LOXL4: variants seen among roughly 807,000 people sequenced by gnomAD.
LOXL4 encodes lysyl oxidase like 4.
A neutral mutation model predicts 89.1 loss-of-function variants in LOXL4; 72 were observed. The ratio of observed to expected loss-of-function variants is 0.81; its 90% CI spans 0.67 to 0.98. The LOEUF (loss-of-function observed/expected upper bound fraction) is 0.98, where lower values mean the gene tolerates loss of function less well. Among genes scored for constraint, LOXL4 ranks in the 50% least tolerant of loss-of-function variants. LOXL4 has a pLI of 0.00. For missense variants in LOXL4, 984 were observed against 1,017.5 expected (o/e 0.97, Z 0.45); for synonymous variants, 355 against 392.1 (o/e 0.91, Z 1.12).
At position 98,257,633 on chromosome 10, in the gene LOXL4, C is replaced by G; in HGVS notation, c.1260+17G>C. 6.2e-7 allele frequency: 1 copy of G among 1,610,030 alleles called. No individual in the cohort carries two copies. Among genetic ancestry groups the G allele is most frequent in the Non-Finnish European group, 8.5e-7 (1 of 1,178,206 alleles). ...TCCCGGCCCCCAGCCTGAGGCCATG[C>G]TCAGACCCAAACTCACCTGATTCTG... On this transcript the variant is annotated intron_variant, in intron 8 of 14. Transcript: ENST00000260702.
chr10:98,256,972 G>T (rs374615114), intron 8 of LOXL4, 25 bp from the exon 9 acceptor site: 2 of 1,609,158 alleles, frequency 1.2e-6, no homozygotes, highest in African/African-American at 1.3e-5. Flanking sequence ...GGTGTGTGAG[G>T]AGTGGGGTAG....
At chr10:98,253,408 A>T in intron 11 of LOXL4, 145 bp downstream of exon 11, 1 of 1,143,178 alleles carries the variant, frequency 8.7e-7, no homozygotes, top group Non-Finnish European at 1.3e-6. Flanking sequence ...CGCTGTCCTC[A>T]CTGCCTCCTG....
Position 98,265,625 on chromosome 10 carries a change from T to C in LOXL4, c.-33+2507A>G, listed in dbSNP as rs1342750039. ...TTCACCACATCAGTTCTTGAACTCC[T>C]GACCTCAGGTGATCCACCCGCCTTG... On this transcript the variant is annotated intron_variant, in intron 1 of 14. Transcript: ENST00000260702. 3.6e-5 allele frequency among the ~76,000 whole-genome samples: 5 copies of C among 140,714 alleles called. 1 individual carries two copies. Among genetic ancestry groups the C allele is most frequent in the African/African-American group, 1.3e-4 (5 of 38,174 alleles). The allele number at this position is 140,714 out of a possible 152,430, so 92.3% of individuals were successfully genotyped here.
Position 98,258,141 on chromosome 10 carries a change from G to A in LOXL4, c.945C>T (p.Ser315=), listed in dbSNP as rs146874745. 1.6e-5 allele frequency: 26 copies of A among 1,612,448 alleles called. No homozygotes were observed. Among genetic ancestry groups the A allele is most frequent in the East Asian group, 8.9e-5 (4 of 44,874 alleles). The change falls in exon 7 of 15, where the codon TCC becomes TCT. Residue 315 remains serine (S), a synonymous_variant. Transcript: ENST00000260702. ...WAEEPRVRLR[S]GAQVGEGRVE... ...CCCGGCCCTCGCCCACCTGGGCCCC[G>A]GAGCGCAGGCGCACCCTCGGCTCCT...
chr10:98,268,025 G>T (rs1050931800), intron 1 of LOXL4, 107 bp downstream of exon 1: 1 of 152,362 alleles, frequency 6.6e-6, no homozygotes, highest in Admixed American at 6.5e-5. Context: ...CCTAGGCCCA[G>T]TCTCCAGGAA....
chr10:98,252,165 C>A, intron 12 of LOXL4, 188 bp downstream of exon 12: 1 of 577,738 alleles, frequency 1.7e-6, no homozygotes, highest in Non-Finnish European at 3.1e-6. Context: ...GTGGGGAATT[C>A]AGAGGAAGTA....
intron 14 of LOXL4, 67 bp downstream of exon 14, chr10:98,250,998 G>A: frequency 1.8e-6 from 2 of 1,116,178 alleles, no homozygotes; most frequent in East Asian, 4.7e-5. Context: ...GGGAGCAGAG[G>A]GTACATTTAC....
At chr10:98,251,295 A>T in intron 13 of LOXL4, 119 bp from the exon 14 acceptor site, 1 of 867,736 alleles carries the variant, frequency 1.2e-6, no homozygotes, top group South Asian at 1.6e-5. Flanking sequence ...ACAATTACCC[A>T]GGAGGTAGGT....
At chr10:98,261,207 G>T in intron 3 of LOXL4, 80 bp from the exon 4 acceptor site, 1 of 1,484,008 alleles carries the variant, frequency 6.7e-7, no homozygotes, top group Non-Finnish European at 9.2e-7. Context: ...CATGCAGAAA[G>T]GCTGGGGCTT....
chr10:98,253,492 C>T, intron 11 of LOXL4, 61 bp downstream of exon 11: 1 of 1,608,228 alleles, frequency 6.2e-7, no homozygotes, highest in East Asian at 2.2e-5. Flanking sequence ...GGCCAAACTG[C>T]TCCCTGGACC....
Position 98,251,073 on chromosome 10 carries a change from C to A in LOXL4, c.2192G>T (p.Cys731Phe). 3 of 1,613,500 alleles carry A rather than the reference C, an allele frequency of 1.9e-6. No homozygotes were observed. Among genetic ancestry groups the A allele is most frequent in the Non-Finnish European group, 1.7e-6 (2 of 1,179,518 alleles). ...CAGTGGCTCGGAGTTACCTGTGTGG[C>A]AGTTGTGCAGCCAGACCCGGTGCCC... ...YDGHRVWLHN[C>F]HTGNSYPANA... is the part of the protein sequence containing the mutation. Residue 731 changes from cysteine to phenylalanine, a missense_variant, in exon 14 of 15, where the codon TGC (cysteine) becomes TTC (phenylalanine). Transcript: ENST00000260702.
intron 4 of LOXL4, 64 bp downstream of exon 4, chr10:98,260,858 C>T: frequency 1.3e-6 from 2 of 1,507,232 alleles, no homozygotes; most frequent in Non-Finnish European, 1.8e-6. Flanking sequence ...CGCACATGAA[C>T]ACACACTCAG....
intron 4 of LOXL4, 82 bp from the exon 5 acceptor site, chr10:98,259,511 T>A: frequency 8.2e-7 from 1 of 1,224,592 alleles, no homozygotes; most frequent in Non-Finnish European, 1.2e-6. Flanking sequence ...TAGTTGTCCT[T>A]AAGTTTGCAC....
intron 1 of LOXL4, among the ~76,000 whole-genome samples, chr10:98,267,313 C>T (rs956466780): frequency 2.6e-5 from 4 of 152,152 alleles, no homozygotes; most frequent in Non-Finnish European, 5.9e-5. Flanking sequence ...GCAGGGTGCT[C>T]TTCGCTGAAT....
Position 98,262,780 on chromosome 10 carries a change from C to G in LOXL4, c.240G>C (p.Leu80Phe). Reference sequence around the variant, plus strand: ...CGTACTTGGCACTGTGGGCCCAGGTCAAGGCAGCTTCGAAGCCCAGCTGGC... The same window carrying G: ...CGTACTTGGCACTGTGGGCCCAGGTGAAGGCAGCTTCGAAGCCCAGCTGGC... ...ACRQLGFEAALTWAHSAKYGQ... is the reference protein window; with the variant it reads ...ACRQLGFEAAFTWAHSAKYGQ... Residue 80 changes from leucine (L) to phenylalanine (F), a missense_variant, in exon 2 of 15, where the codon TTG becomes TTC. Physicochemically the swap from Leu to Phe is conservative, Grantham distance 22 (BLOSUM62 0). Transcript: ENST00000260702. The G allele has an allele frequency of 6.2e-7, 1 of 1,613,368 alleles. No individual in the cohort carries two copies. The highest frequency in any genetic ancestry group is 1.3e-5 in the African/African-American group (1 of 75,066).
intron 11 of LOXL4, 69 bp from the exon 12 acceptor site, chr10:98,252,537 G>GA: frequency 9.3e-7 from 1 of 1,077,096 alleles, no homozygotes; most frequent in African/African-American, 1.6e-5. Context: ...GGCTGGTAGG[G>GA]AAGACAGGCC....
chr10:98,251,312 G>A (rs759838931), intron 13 of LOXL4, 136 bp from the exon 14 acceptor site: 4 of 818,506 alleles, frequency 4.9e-6, no homozygotes, highest in Non-Finnish European at 7.9e-6. Context: ...AGGTACTGAT[G>A]TTCCCATTTT....
intron 1 of LOXL4, among the ~76,000 whole-genome samples, chr10:98,267,619 T>G (rs1858713355): frequency 6.6e-6 from 1 of 152,108 alleles, no homozygotes; most frequent in African/African-American, 2.4e-5. Flanking sequence ...ACAAATGGTC[T>G]CTGAGCTGTA....
intron 13 of LOXL4, 103 bp downstream of exon 13, chr10:98,251,463 G>A (rs1445507215): frequency 4.0e-6 from 6 of 1,510,074 alleles, no homozygotes; most frequent in Non-Finnish European, 5.4e-6. Flanking sequence ...CAGGCCTGTC[G>A]GAAACCCTGT....
Sources: allele counts gnomAD v4.1 joint callset (sites outside exome capture counted in the v4.1 genomes callset), GRCh38; gene constraint gnomAD v4.1.1; transcripts MANE v1.5; gene names NCBI Gene and HGNC (gene_info 2026-07-23, HGNC 2026-07-21).